The following TESC variants were observed in gnomAD, a reference collection of about 807,000 sequenced individuals.
TESC encodes the protein tescalcin, also known as calcineurin B homologous protein 3.
A neutral mutation model predicts 31.0 loss-of-function variants in TESC; 19 were observed. That is an observed-to-expected ratio of 0.61 (90% CI 0.43 to 0.90). The LOEUF (loss-of-function observed/expected upper bound fraction) is 0.90, where lower values mean the gene tolerates loss of function less well. Ranked by LOEUF, TESC falls within the 40% of genes least tolerant of loss-of-function variation. The pLI is 0.00. For synonymous variants in TESC, 109 were observed against 114.8 expected, an observed-to-expected ratio of 0.95 and a Z score of 0.32; for missense variants, 248 against 303.8, an observed-to-expected ratio of 0.82 and a Z score of 1.36.
At position 117,039,171 on chromosome 12, in the gene TESC, G is replaced by A. The variant is rs779702836; in HGVS notation, c.607C>T (p.Arg203Cys). ...GIDIETKMHV[R>C]FLNMETMALC... Reference sequence around the variant, plus strand: ...GCCATGGTTTCCATGTTAAGGAAGCGGACGTGCATCTTGGTCTCAATGTCG... The same window carrying A: ...GCCATGGTTTCCATGTTAAGGAAGCAGACGTGCATCTTGGTCTCAATGTCG... Residue 203 changes from arginine to cysteine, a missense_variant, in exon 8 of 8, where the codon CGC becomes TGC. Coordinates refer to ENST00000335209, the MANE Select transcript of TESC (RefSeq NM_017899.4). The A allele has an allele frequency of 1.7e-5, 27 of 1,614,008 alleles. No individual in the cohort carries two copies. The highest frequency in any genetic ancestry group is 1.6e-4 in the Middle Eastern group (1 of 6,084).
At chr12:117,087,182 G>A (rs1404841254) in intron 1 of TESC, among the ~76,000 whole-genome samples, 1 of 152,240 alleles carries the variant, frequency 6.6e-6, no homozygotes, top group Non-Finnish European at 1.5e-5. Context: ...CTGCTGGGAT[G>A]TTAAAATTAA....
chr12:117,059,749 C>T (rs10744887), intron 2 of TESC, among the ~76,000 whole-genome samples: 66,213 of 151,900 alleles, frequency 0.44, 16,433 homozygotes, highest in African/African-American at 0.68. Flanking sequence ...TGTGCTACCA[C>T]GCCCAGCTAA....
chr12:117,056,766 G>C, intron 3 of TESC, 40 bp downstream of exon 3: 1 of 1,591,460 alleles, frequency 6.3e-7, no homozygotes, highest in East Asian at 2.2e-5. Context: ...CACAAGACAA[G>C]GGTGCCTGCC....
chr12:117,060,300 G>T (rs774043628), intron 2 of TESC, among the ~76,000 whole-genome samples: 1 of 152,210 alleles, frequency 6.6e-6, no homozygotes, highest in African/African-American at 2.4e-5. Context: ...CCGCCCCAGA[G>T]TTGGGGGTGA....
intron 2 of TESC, among the ~76,000 whole-genome samples, chr12:117,072,304 C>T (rs1565969755): frequency 6.6e-6 from 1 of 152,086 alleles, no homozygotes; most frequent in Non-Finnish European, 1.5e-5. Flanking sequence ...ACTGTGTTGC[C>T]CAGGTTGGGC....
chr12:117,053,138 A>G (rs1027742825), intron 3 of TESC, among the ~76,000 whole-genome samples: 1 of 152,094 alleles, frequency 6.6e-6, no homozygotes, highest in Non-Finnish European at 1.5e-5. Flanking sequence ...GACACCCGAC[A>G]TTCCCCAATG....
At chr12:117,040,502 C>T (rs1359495703) in intron 7 of TESC, among the ~76,000 whole-genome samples, 1 of 152,154 alleles carries the variant, frequency 6.6e-6, no homozygotes, top group Non-Finnish European at 1.5e-5. Flanking sequence ...TCATTCTACT[C>T]AGCCTGAAGC....
At chr12:117,055,142 TCCA>T (rs1332714271) in intron 3 of TESC, among the ~76,000 whole-genome samples, 1 of 152,140 alleles carries the variant, frequency 6.6e-6, no homozygotes, top group East Asian at 1.9e-4. Context: ...TATGATTATC[TCCA>T]CTTTATTTTA....
intron 1 of TESC, among the ~76,000 whole-genome samples, chr12:117,075,941 GTATATATACATATA>G (rs1955066776): frequency 5.4e-5 from 3 of 55,140 alleles, no homozygotes; most frequent in African/African-American, 2.8e-4. Context: ...ATATATATAT[GTATATATACATATA>G]TATATATATA....
At chr12:117,081,962 G>T (rs1000393066) in intron 1 of TESC, among the ~76,000 whole-genome samples, 8 of 151,840 alleles carry the variant, frequency 5.3e-5, no homozygotes, top group African/African-American at 1.7e-4. Context: ...GGTGGCTTGT[G>T]GCTGTAATCC....
At chr12:117,086,714 A>C (rs1013226912) in intron 1 of TESC, among the ~76,000 whole-genome samples, 2 of 152,210 alleles carry the variant, frequency 1.3e-5, no homozygotes, top group East Asian at 1.9e-4. Flanking sequence ...CTGAGATTAC[A>C]GGTGTGAGCC....
chr12:117,085,230 A>C (rs1955203568), intron 1 of TESC, among the ~76,000 whole-genome samples: 1 of 152,158 alleles, frequency 6.6e-6, no homozygotes, highest in Non-Finnish European at 1.5e-5. Flanking sequence ...GAAAACAGGC[A>C]GGGAATGAAG....
chr12:117,099,116 G>C, intron 1 of TESC, 109 bp downstream of exon 1: 1 of 1,199,206 alleles, frequency 8.3e-7, no homozygotes, highest in Non-Finnish European at 1.1e-6. Flanking sequence ...CGCAGAGAGG[G>C]CCCGCCACTG....
rs1456410191 is a variant in TESC at position 117,039,207 on chromosome 12, A to C, written c.571T>G (p.Trp191Gly). The C allele has an allele frequency of 1.2e-6, 2 of 1,613,532 alleles. No homozygotes were observed. The highest frequency in any genetic ancestry group is 2.7e-5 in the African/African-American group (2 of 74,942). ...TTGGTCTCAATGTCGATCCCCTGCC[A>C]GATCTGGAAGGGACGGAGCAGCGTT... ...GITFEDFLKI[W>G]QGIDIETKMH... Residue 191 changes from tryptophan (W) to glycine (G), a missense_variant, in exon 8 of 8, where the codon TGG becomes GGG. Coordinates refer to ENST00000335209, the MANE Select transcript of TESC (RefSeq NM_017899.4).
intron 1 of TESC, among the ~76,000 whole-genome samples, chr12:117,077,624 G>C (rs1593017179): frequency 6.6e-6 from 1 of 152,328 alleles, no homozygotes; most frequent in East Asian, 1.9e-4. Flanking sequence ...ACAGACAAAA[G>C]CAGCCAGACA....
At chr12:117,049,540 G>C (rs1041861927) in intron 3 of TESC, among the ~76,000 whole-genome samples, 1 of 152,206 alleles carries the variant, frequency 6.6e-6, no homozygotes, top group African/African-American at 2.4e-5. Context: ...CTTTAGCTCA[G>C]GGGTTGGCAA....
At chr12:117,041,904 G>A (rs1292451441) in intron 7 of TESC, 43 bp downstream of exon 7, 3 of 1,552,420 alleles carry the variant, frequency 1.9e-6, no homozygotes, top group Admixed American at 1.9e-5. Context: ...GCCACACGAG[G>A]TCTTCAAGGG....
chr12:117,095,444 A>G (rs929941156), intron 1 of TESC, among the ~76,000 whole-genome samples: 2 of 152,212 alleles, frequency 1.3e-5, no homozygotes, highest in Admixed American at 1.3e-4. Flanking sequence ...ATCAAATGAA[A>G]ACAGTGCTCC....
chr12:117,070,467 G>A (rs1020109654), intron 2 of TESC, among the ~76,000 whole-genome samples: 9 of 152,242 alleles, frequency 5.9e-5, no homozygotes, highest in Admixed American at 1.3e-4. Flanking sequence ...CACGAACCTC[G>A]AAGCCGACTC....
Sources: allele counts gnomAD v4.1 joint callset (sites outside exome capture counted in the v4.1 genomes callset), GRCh38; gene constraint gnomAD v4.1.1; transcripts MANE v1.5; gene names NCBI Gene and HGNC (gene_info 2026-07-23, HGNC 2026-07-21).